AEN: variants seen among roughly 807,000 people sequenced by gnomAD.
AEN encodes apoptosis-enhancing nuclease.
Under a neutral mutation model 17.7 loss-of-function variants are expected in AEN, and 21 were observed. The ratio of observed to expected loss-of-function variants is 1.19; its 90% CI spans 0.84 to 1.71. The LOEUF (loss-of-function observed/expected upper bound fraction) is 1.71, where lower values mean the gene tolerates loss of function less well. Ranked by LOEUF, AEN falls within the 40% of genes most tolerant of loss-of-function variation. The probability of loss-of-function intolerance (pLI) is 0.00; values close to 1 mark genes in which losing one functional copy is unlikely to be tolerated. For missense variants in AEN, 462 were observed against 435.9 expected (o/e 1.06, Z -0.53); for synonymous variants, 190 against 173.0 (o/e 1.10, Z -0.77).
In AEN at chr15:88,630,834, A is replaced by C. The variant is rs1237539197; in HGVS notation, c.*540A>C. On this transcript the variant is annotated 3_prime_UTR_variant, in exon 4 of 4. Transcript: ENST00000332810. This position sits in a 1 kb window ranked among gnomAD's most constrained non-coding sequence, Gnocchi z 5.1. The stretch of plus-strand genomic sequence containing the variant: ...TAAACATGTCCTGAAGTTAAAGAGG[A>C]GTTAAGTCCTAAAGGAGGCATTTCT... 4.1e-6 allele frequency: 1 copy of C among 242,526 alleles called. No individual in the cohort carries two copies. Among genetic ancestry groups the C allele is most frequent in the Non-Finnish European group, 8.6e-6 (1 of 116,228 alleles). 15.0% of individuals were successfully genotyped at this position (242,526 alleles called of 1,614,324 possible). A position where few individuals can be genotyped will look rare whatever the true frequency, so the allele number is the denominator to read the frequency against.
the AEN span, among the ~76,000 whole-genome samples, chr15:88,606,131 CAG>C: frequency 6.6e-6 from 1 of 152,178 alleles, no homozygotes. Context: ...GCAAGCGGGA[CAG>C]AGGATCTACT....
At chr15:88,619,228 A>G (rs2057761771), upstream of AEN, among the ~76,000 whole-genome samples, 1 of 152,180 alleles carries the variant, frequency 6.6e-6, no homozygotes, top group South Asian at 2.1e-4. Context: ...TTTATTTCCC[A>G]AGGTAATGCA....
At chr15:88,620,252 T>C (rs781278189), upstream of AEN, among the ~76,000 whole-genome samples, 1 of 152,180 alleles carries the variant, frequency 6.6e-6, no homozygotes, top group Non-Finnish European at 1.5e-5. Context: ...TTAATTTAAG[T>C]GTCAATTTCC....
At chr15:88,608,250 C>A in the AEN span, 2 of 476,634 alleles carry the variant, frequency 4.2e-6, no homozygotes, top group Admixed American at 2.0e-5. Flanking sequence ...CATCCAGTAG[C>A]AAAGGACAGA....
chr15:88,626,907 A>G (rs972696974), intron 2 of AEN, 158 bp downstream of exon 2: 28 of 802,164 alleles, frequency 3.5e-5, no homozygotes, highest in Middle Eastern at 2.8e-4. Context: ...AACAGGGGAA[A>G]TAAAAATAAA....
chr15:88,606,436 A>G, the AEN span, among the ~76,000 whole-genome samples: 2 of 152,136 alleles, frequency 1.3e-5, no homozygotes, highest in Non-Finnish European at 1.5e-5. Context: ...GCCCAAAGTG[A>G]CCTTTGTATG....
chr15:88,630,474 C>CT lies in AEN; in HGVS notation c.*181dup. The CT allele has an allele frequency of 1.6e-6, 1 of 616,250 alleles. No individual in the cohort carries two copies. The highest frequency in any genetic ancestry group is 2.9e-6 in the Non-Finnish European group (1 of 347,670). The allele number at this position is 616,250 out of a possible 1,614,324, so 38.2% of individuals were successfully genotyped here. The stretch of plus-strand genomic sequence containing the variant: ...CCCTCTGCACACAGCATAGCCCTCT[C>CT]TCTCTCCAGGGCTGTTGGTTCTTTC... On this transcript the variant is annotated 3_prime_UTR_variant, in exon 4 of 4. Transcript: ENST00000332810. This position sits in a 1 kb window ranked among gnomAD's most constrained non-coding sequence, Gnocchi z 5.1.
At chr15:88,606,617 G>A in the AEN span, among the ~76,000 whole-genome samples, 7 of 152,290 alleles carry the variant, frequency 4.6e-5, no homozygotes, top group African/African-American at 1.7e-4. Flanking sequence ...ACGGTGGGTG[G>A]CGGGGCTTTG....
At chr15:88,617,428 G>C (rs11629826), upstream of AEN, among the ~76,000 whole-genome samples, 95,627 of 152,048 alleles carry the variant, frequency 0.63, 34,158 homozygotes, top group East Asian at 0.79. Context: ...TAATTTTTGT[G>C]TTTTAGTAGA....
intron 1 of AEN, among the ~76,000 whole-genome samples, chr15:88,625,721 G>A (rs2057842807): frequency 1.3e-5 from 2 of 152,096 alleles, no homozygotes; most frequent in South Asian, 4.1e-4. Flanking sequence ...AAAGTCTGAT[G>A]CTTCTTAGCT....
chr15:88,625,132 G>A (rs1214573628), intron 1 of AEN, among the ~76,000 whole-genome samples: 2 of 152,296 alleles, frequency 1.3e-5, no homozygotes, highest in South Asian at 2.1e-4. Context: ...CTGGGTGGGA[G>A]CCCATCACAG....
intron 1 of AEN, among the ~76,000 whole-genome samples, chr15:88,625,110 G>A (rs1396982636): frequency 6.6e-6 from 1 of 152,204 alleles, no homozygotes; most frequent in African/African-American, 2.4e-5. Context: ...AGTGACGAGG[G>A]CTTAAAGTCC....
chr15:88,611,358 G>C, the AEN span, among the ~76,000 whole-genome samples: 2 of 151,158 alleles, frequency 1.3e-5, no homozygotes, highest in Admixed American at 6.6e-5. Context: ...CACTTTGAGA[G>C]GCTGAGGCAG....
chr15:88,624,495 T>C (rs560214990), intron 1 of AEN, among the ~76,000 whole-genome samples: 1 of 152,350 alleles, frequency 6.6e-6, no homozygotes, highest in African/African-American at 2.4e-5. Context: ...GACCCCAGCA[T>C]ACATTGTGTC....
chr15:88,629,358 G>A lies in AEN; in HGVS notation c.673G>A (p.Gly225Ser), dbSNP rs780362012. The A allele has an allele frequency of 1.8e-5, 29 of 1,613,966 alleles. No individual in the cohort carries two copies. The highest frequency in any genetic ancestry group is 1.3e-4 in the Admixed American group (8 of 60,004). ...TGTCCCAAACTTCCTCAGCGAGCCC[G>A]GCCTCCACACCCGGGCCCGGGTCTC... is the stretch of plus-strand genomic sequence containing the variant. ...TYVPNFLSEP[G>S]LHTRARVSLK... The change falls in exon 3 of 4, where the codon GGC (glycine) becomes AGC (serine). Residue 225 changes from glycine to serine, a missense_variant. Coordinates refer to ENST00000332810, the MANE Select transcript of AEN (RefSeq NM_022767.4).
At chr15:88,607,510 A>G in the AEN span, among the ~76,000 whole-genome samples, 2 of 152,252 alleles carry the variant, frequency 1.3e-5, 1 homozygote, top group African/African-American at 4.8e-5. Context: ...GTTTCATCTC[A>G]AATAAGTCTA....
chr15:88,615,331 G>A, the AEN span, among the ~76,000 whole-genome samples: 20 of 152,186 alleles, frequency 1.3e-4, no homozygotes, highest in African/African-American at 4.6e-4. Flanking sequence ...AAAATTAGCC[G>A]TGTGACACTT....
At position 88,632,156 on chromosome 15, in the gene AEN, T is replaced by C. The variant is rs754618288; in HGVS notation, c.*1862T>C. The C allele has an allele frequency of 6.6e-6, 1 of 152,218 alleles. No individual in the cohort carries two copies. The highest frequency in any genetic ancestry group is 1.5e-5 in the Non-Finnish European group (1 of 68,046). 9.4% of individuals were successfully genotyped at this position (152,218 alleles called of 1,614,324 possible). ...GCTGATGTCAAACTCAATTGAGCAG[T>C]AGCTTTGATCCCTTGGTCTGGGGGT... On this transcript the variant is annotated 3_prime_UTR_variant, in exon 4 of 4. Transcript: ENST00000332810.
rs748649465 is a variant in AEN, at chr15:88,630,064, C to CGTGAGT, written c.748_749insGTGAGT (p.Gln250delinsArgGluTer). On this transcript the variant is annotated stop_gained and protein_altering_variant, in exon 4 of 4. Coordinates refer to ENST00000332810, the MANE Select transcript of AEN (RefSeq NM_022767.4). LOFTEE classifies it low-confidence loss of function (END_TRUNC). The surrounding 1 kb of genome is among the most constrained non-coding windows in gnomAD (Gnocchi z 5.1). ...TGTTGGCTCTCGTCAGTAGGTGGGCCAGCACGGGCACTCATCAGTAGAAGA... is the reference window on the plus strand; with the variant it reads ...TGTTGGCTCTCGTCAGTAGGTGGGCCGTGAGTAGCACGGGCACTCATCAGTAGAAGA... The CGTGAGT allele has an allele frequency of 5.0e-6, 8 of 1,614,020 alleles. No individual in the cohort carries two copies. Among genetic ancestry groups the CGTGAGT allele is most frequent in the Non-Finnish European group, 6.8e-6 (8 of 1,180,012 alleles).
Sources: allele counts gnomAD v4.1 joint callset (sites outside exome capture counted in the v4.1 genomes callset), GRCh38; gene constraint gnomAD v4.1.1; non-coding constraint Gnocchi (gnomAD v3.1); transcripts MANE v1.5; gene names NCBI Gene and HGNC (gene_info 2026-07-23, HGNC 2026-07-21).